Variants in PCDHA3 observed in about 807,000 individuals in gnomAD.
PCDHA3 encodes the protein protocadherin alpha-3.
A neutral mutation model predicts 62.2 loss-of-function variants in PCDHA3; 41 were observed. The observed-to-expected ratio is 0.66, with a 90% CI of 0.51 to 0.86. PCDHA3 has a LOEUF of 0.86. PCDHA3 is among the 40% of genes least tolerant of loss of function. The pLI is 0.00. For missense variants in PCDHA3, 1,304 were observed against 1,241.2 expected (o/e 1.05, Z -0.76); for synonymous variants, 640 against 555.4 (o/e 1.15, Z -2.14).
chr5:140,859,825 T>C (rs752840072), intron 1 of PCDHA3: 1 of 152,250 alleles, frequency 6.6e-6, no homozygotes, highest in Admixed American at 6.5e-5. Flanking sequence ...AGTTTAGAAG[T>C]GTATTTGTTA....
intron 3 of PCDHA3, among the ~76,000 whole-genome samples, chr5:140,992,995 A>C (rs1347087034): frequency 2.0e-5 from 3 of 152,202 alleles, no homozygotes; most frequent in African/African-American, 7.2e-5. Context: ...GACCCATGAA[A>C]GAGCCTCCCC....
intron 1 of PCDHA3, chr5:140,926,986 C>A (rs782199565): frequency 8.1e-6 from 13 of 1,610,594 alleles, no homozygotes; most frequent in Non-Finnish European, 2.5e-6. Flanking sequence ...GGAGACGGAG[C>A]GGGGCGTAGC....
intron 1 of PCDHA3, chr5:140,858,330 G>A: frequency 6.3e-7 from 1 of 1,596,082 alleles, no homozygotes. Context: ...TCTGGGGAGG[G>A]CCTGCCCAAG....
rs2150363462 is a variant in PCDHA3 at position 140,843,611 on chromosome 5, C to A, written c.2394+40020C>A. 3 of 1,595,894 alleles carry A rather than the reference C, an allele frequency of 1.9e-6. No individual in the cohort carries two copies. In the South Asian group the frequency reaches 3.3e-5, roughly 18 times the overall value. ...GCAGAGGGTGTGCTCTGGTGAGGGG[C>A]CACCGAAGACGGACCTCATGGCCTT... On this transcript the variant is annotated intron_variant, in intron 1 of 3. Coordinates refer to ENST00000522353, the MANE Select transcript of PCDHA3 (RefSeq NM_018906.3).
chr5:140,850,762 A>T, intron 1 of PCDHA3: 1 of 1,598,020 alleles, frequency 6.3e-7, no homozygotes, highest in South Asian at 1.1e-5. Context: ...CAGAGGAGGC[A>T]GAGGGTGTGC....
intron 3 of PCDHA3, among the ~76,000 whole-genome samples, chr5:140,996,349 A>G (rs2097722990): frequency 6.6e-6 from 1 of 152,184 alleles, no homozygotes; most frequent in African/African-American, 2.4e-5. Flanking sequence ...AACCCAACCA[A>G]AGTCAGAAGC....
At chr5:140,813,634 C>T (rs1448214765) in intron 1 of PCDHA3, 3 of 152,156 alleles carry the variant, frequency 2.0e-5, no homozygotes, top group African/African-American at 4.8e-5. Flanking sequence ...AGGCCCAGGA[C>T]ATTACTGTGC....
chr5:140,844,707 T>C lies in PCDHA3; in HGVS notation c.2394+41116T>C, dbSNP rs2150373340. Among the ~76,000 whole-genome samples, 21 of 149,764 alleles carry C rather than the reference T, an allele frequency of 1.4e-4. 3 individuals carry two copies. The highest frequency in any genetic ancestry group is 3.0e-4 in the Non-Finnish European group (20 of 66,878). ...TTATACAGAATATTTGGGATTATCA[T>C]GGCCCATTAGTTCGTGTAAAAATAT... On this transcript the variant is annotated intron_variant, in intron 1 of 3. Transcript: ENST00000522353.
intron 1 of PCDHA3, chr5:140,883,434 T>G (rs2059607581): frequency 1.2e-6 from 2 of 1,614,038 alleles, no homozygotes; most frequent in Admixed American, 3.3e-5. Flanking sequence ...ACCTGCACCT[T>G]GACGCCGCAT....
chr5:140,823,778 T>C (rs2150129086), intron 1 of PCDHA3: 2 of 1,613,772 alleles, frequency 1.2e-6, no homozygotes, highest in East Asian at 2.2e-5. Context: ...CTGGTGTCGC[T>C]GGTGGAAAGT....
intron 1 of PCDHA3, among the ~76,000 whole-genome samples, chr5:140,965,185 C>T (rs1348990210): frequency 6.6e-6 from 1 of 152,138 alleles, no homozygotes; most frequent in Non-Finnish European, 1.5e-5. Flanking sequence ...TTTTTTTGCA[C>T]ATGAGGCAAT....
chr5:140,991,374 G>A (rs537981449), intron 3 of PCDHA3, among the ~76,000 whole-genome samples: 2 of 152,286 alleles, frequency 1.3e-5, no homozygotes, highest in South Asian at 4.1e-4. Context: ...TGAGTTCTAG[G>A]CCAACTGTAG....
At chr5:140,969,317 G>C in intron 1 of PCDHA3, 1 of 1,614,156 alleles carries the variant, frequency 6.2e-7, no homozygotes, top group African/African-American at 1.3e-5. Context: ...AAATGAGGCT[G>C]TTTCTCAAAA....
chr5:140,834,278 A>G (rs1772879632), intron 1 of PCDHA3: 2 of 1,087,966 alleles, frequency 1.8e-6, no homozygotes, highest in Admixed American at 2.3e-5. Flanking sequence ...CACTCTTTGG[A>G]TGCACAACAA....
chr5:140,807,561 A>T, intron 1 of PCDHA3: 1 of 1,614,180 alleles, frequency 6.2e-7, no homozygotes, highest in Non-Finnish European at 8.5e-7. Context: ...GAGGTGAGGG[A>T]CATTAACGAT....
At chr5:140,987,592 G>T (rs150671243) in intron 3 of PCDHA3, among the ~76,000 whole-genome samples, 2 of 152,172 alleles carry the variant, frequency 1.3e-5, no homozygotes, top group African/African-American at 4.8e-5. Flanking sequence ...GAGAATAGTG[G>T]TGTCTACCTT....
intron 1 of PCDHA3, chr5:140,824,237 T>C: frequency 6.6e-7 from 1 of 1,508,824 alleles, no homozygotes; most frequent in Non-Finnish European, 9.2e-7. Flanking sequence ...TACACAAATA[T>C]TGTGGTACAC....
intron 1 of PCDHA3, chr5:140,864,329 T>C (rs1381036358): frequency 1.3e-5 from 2 of 152,196 alleles, no homozygotes; most frequent in Non-Finnish European, 2.9e-5. Flanking sequence ...ATCATAATTA[T>C]TTGAGTTTAA....
At chr5:140,918,793 A>G (rs155800) in intron 1 of PCDHA3, among the ~76,000 whole-genome samples, 49,687 of 146,416 alleles carry the variant, frequency 0.34, 8,402 homozygotes, top group East Asian at 0.54. Context: ...GACACAGCAA[A>G]AATGTGACAT....
Sources: gnomAD v4.1 joint callset for allele counts (sites outside exome capture counted in the v4.1 genomes callset) on GRCh38, gnomAD v4.1.1 for gene constraint, MANE v1.5 for transcripts, NCBI Gene and HGNC (gene_info 2026-07-23, HGNC 2026-07-21) for gene names.